GULP1: variants seen among roughly 807,000 people sequenced by gnomAD.
GULP1 encodes the protein PTB domain-containing engulfment adapter protein 1.
A neutral mutation model predicts 40.9 loss-of-function variants in GULP1; 19 were observed. The ratio of observed to expected loss-of-function variants is 0.46; its 90% CI spans 0.32 to 0.68. GULP1 has a LOEUF of 0.68. Ranked by LOEUF, GULP1 falls within the 30% of genes least tolerant of loss-of-function variation. The pLI is 0.03. For missense variants in GULP1, 312 were observed against 362.2 expected (o/e 0.86, Z 1.12); for synonymous variants, 119 against 117.6 (o/e 1.01, Z -0.08).
chr2:188,404,786 C>T (rs2052824474), intron 2 of GULP1, among the ~76,000 whole-genome samples: 1 of 152,206 alleles, frequency 6.6e-6, no homozygotes, highest in Admixed American at 6.5e-5. Flanking sequence ...TAGGCTGCCA[C>T]CTGTGGACCC....
At chr2:188,320,183 G>A (rs1354548377) in intron 1 of GULP1, among the ~76,000 whole-genome samples, 1 of 152,042 alleles carries the variant, frequency 6.6e-6, no homozygotes, top group South Asian at 2.1e-4. Flanking sequence ...TGTCCCCTAG[G>A]GAGCAACACC....
intron 5 of GULP1, among the ~76,000 whole-genome samples, chr2:188,523,263 A>G (rs1207881222): frequency 6.6e-6 from 1 of 152,184 alleles, no homozygotes; most frequent in Non-Finnish European, 1.5e-5. Flanking sequence ...TTGCAGTGAC[A>G]CTGTATGTTA....
At chr2:188,344,222 A>C (rs368522932) in intron 1 of GULP1, among the ~76,000 whole-genome samples, 1 of 152,210 alleles carries the variant, frequency 6.6e-6, no homozygotes, top group South Asian at 2.1e-4. Context: ...CTTGTTTGGC[A>C]GCCAACTGTT....
chr2:188,500,002 TACAG>T (rs1233050775), intron 4 of GULP1, among the ~76,000 whole-genome samples: 1 of 151,850 alleles, frequency 6.6e-6, no homozygotes, highest in Non-Finnish European at 1.5e-5. Flanking sequence ...ACTATCCTAA[TACAG>T]ACAATCATTT....
At chr2:188,495,949 A>T (rs1354398070) in intron 4 of GULP1, among the ~76,000 whole-genome samples, 1 of 152,020 alleles carries the variant, frequency 6.6e-6, no homozygotes, top group Admixed American at 6.6e-5. Context: ...TGCATATTTT[A>T]ATAACATGAC....
intron 1 of GULP1, among the ~76,000 whole-genome samples, chr2:188,305,281 C>G (rs369620082): frequency 6.6e-6 from 1 of 152,184 alleles, no homozygotes; most frequent in Non-Finnish European, 1.5e-5. Flanking sequence ...CTCCAAGAAC[C>G]TCTACATGTT....
At chr2:188,588,216 T>C (rs563412500) in intron 11 of GULP1, 1 of 417,522 alleles carries the variant, frequency 2.4e-6, no homozygotes, top group South Asian at 2.6e-5. Flanking sequence ...GCATGGATTC[T>C]AATGGTTCAT....
chr2:188,297,038 A>G (rs1165862180), intron 1 of GULP1, among the ~76,000 whole-genome samples: 1 of 151,800 alleles, frequency 6.6e-6, no homozygotes, highest in Non-Finnish European at 1.5e-5. Flanking sequence ...TATTTGTGCT[A>G]TAGTTTTTCT....
intron 10 of GULP1, among the ~76,000 whole-genome samples, chr2:188,584,642 TG>T (rs1559407415): frequency 1.3e-5 from 2 of 152,006 alleles, no homozygotes; most frequent in Non-Finnish European, 2.9e-5. Context: ...AATTATGTTT[TG>T]GTGTATTACT....
At chr2:188,550,645 A>G (rs182096241) in intron 7 of GULP1, among the ~76,000 whole-genome samples, 1 of 151,766 alleles carries the variant, frequency 6.6e-6, no homozygotes, top group East Asian at 1.9e-4. Context: ...CAAAAGAATC[A>G]TACATTATTA....
chr2:188,517,567 T>A (rs898800574), intron 4 of GULP1, among the ~76,000 whole-genome samples: 8 of 152,254 alleles, frequency 5.3e-5, no homozygotes, highest in African/African-American at 1.9e-4. Context: ...TTCACATACT[T>A]GCTGTGTTTT....
chr2:188,458,242 ACTT>A (rs910079318), intron 2 of GULP1, among the ~76,000 whole-genome samples: 2 of 152,224 alleles, frequency 1.3e-5, no homozygotes, highest in Non-Finnish European at 2.9e-5. Context: ...TTCTCAAAGA[ACTT>A]CTTCTTGCAT....
At chr2:188,341,098 G>C (rs187589886) in intron 1 of GULP1, among the ~76,000 whole-genome samples, 1 of 152,126 alleles carries the variant, frequency 6.6e-6, no homozygotes, top group Non-Finnish European at 1.5e-5. Context: ...ACTTTGGGCT[G>C]TGGTTCCGGG....
At chr2:188,456,686 T>C (rs2059297187) in intron 2 of GULP1, among the ~76,000 whole-genome samples, 1 of 152,148 alleles carries the variant, frequency 6.6e-6, no homozygotes. Flanking sequence ...GAGTCCCTAC[T>C]GGGGCACCAC....
At chr2:188,328,577 A>G (rs920791080) in intron 1 of GULP1, among the ~76,000 whole-genome samples, 2 of 152,130 alleles carry the variant, frequency 1.3e-5, no homozygotes, top group Non-Finnish European at 2.9e-5. Context: ...AGTAAAACAG[A>G]TGTTTGCTCT....
At chr2:188,426,156 G>A (rs1368617952) in intron 2 of GULP1, among the ~76,000 whole-genome samples, 1 of 152,166 alleles carries the variant, frequency 6.6e-6, no homozygotes, top group Non-Finnish European at 1.5e-5. Context: ...CACAGTGATG[G>A]CAGGGAGGGT....
chr2:188,461,570 G>T (rs112328196), intron 2 of GULP1, among the ~76,000 whole-genome samples: 3 of 151,962 alleles, frequency 2.0e-5, no homozygotes, highest in African/African-American at 7.2e-5. Context: ...CTCCCAAAGT[G>T]CTGGGATTAT....
At chr2:188,430,684 A>G (rs542578947) in intron 2 of GULP1, among the ~76,000 whole-genome samples, 1 of 152,338 alleles carries the variant, frequency 6.6e-6, no homozygotes, top group South Asian at 2.1e-4. Context: ...GAGGCTGCCC[A>G]TAGAAACTAG....
intron 4 of GULP1, among the ~76,000 whole-genome samples, chr2:188,506,695 T>G (rs1291210000): frequency 6.6e-6 from 1 of 151,984 alleles, no homozygotes; most frequent in Non-Finnish European, 1.5e-5. Flanking sequence ...ATTCCACAGA[T>G]TCCCCTTAAA....
Sources: gnomAD v4.1 joint callset for allele counts (sites outside exome capture counted in the v4.1 genomes callset) on GRCh38, gnomAD v4.1.1 for gene constraint, MANE v1.5 for transcripts, NCBI Gene and HGNC (gene_info 2026-07-23, HGNC 2026-07-21) for gene names.